SHOC1: variants seen among roughly 807,000 people sequenced by gnomAD.
SHOC1 encodes protein shortage in chiasmata 1 ortholog.
SHOC1 carries 136 observed loss-of-function variants against 179.2 expected under a neutral mutation model. The observed-to-expected ratio is 0.76, with a 90% CI of 0.66 to 0.87. The LOEUF (loss-of-function observed/expected upper bound fraction) is 0.87, where lower values mean the gene tolerates loss of function less well. Ranked by LOEUF, SHOC1 falls within the 40% of genes least tolerant of loss-of-function variation. The pLI is 0.00. For synonymous variants in SHOC1, 489 were observed against 586.6 expected, an observed-to-expected ratio of 0.83 and a Z score of 2.41; for missense variants, 1,538 against 1,700.8, an observed-to-expected ratio of 0.90 and a Z score of 1.68.
At chr9:111,725,462 C>G (rs996190075) in intron 13 of SHOC1, among the ~76,000 whole-genome samples, 7 of 152,130 alleles carry the variant, frequency 4.6e-5, no homozygotes, top group African/African-American at 1.7e-4. Flanking sequence ...GTTACCCACC[C>G]AGTCCTAGGG....
chr9:111,739,118 G>A (rs1213666630), intron 11 of SHOC1, among the ~76,000 whole-genome samples: 1 of 151,852 alleles, frequency 6.6e-6, no homozygotes, highest in Admixed American at 6.6e-5. Flanking sequence ...TTTTGGAATG[G>A]TGCTTTTATA....
At chr9:111,708,677 G>A (rs565905164) in intron 18 of SHOC1, among the ~76,000 whole-genome samples, 1 of 152,230 alleles carries the variant, frequency 6.6e-6, no homozygotes, top group Admixed American at 6.5e-5. Flanking sequence ...TCTTTCTACT[G>A]AGTATTTAGA....
intron 10 of SHOC1, among the ~76,000 whole-genome samples, chr9:111,743,712 A>G (rs1834141267): frequency 6.6e-6 from 1 of 152,204 alleles, no homozygotes; most frequent in Non-Finnish European, 1.5e-5. Flanking sequence ...ATTAAACTTT[A>G]TCATAGGTAT....
intron 2 of SHOC1, 64 bp downstream of exon 2, chr9:111,791,310 A>G: frequency 5.8e-6 from 5 of 867,160 alleles, no homozygotes; most frequent in Non-Finnish European, 8.3e-6. Context: ...CCTATATTGA[A>G]TGTAGTTAAC....
At chr9:111,699,900 T>G in intron 24 of SHOC1, 54 bp downstream of exon 24, 1 of 1,107,882 alleles carries the variant, frequency 9.0e-7, no homozygotes, top group Non-Finnish European at 1.3e-6. Context: ...TAAGTTTGAG[T>G]ATAATTTTGG....
chr9:111,781,711 A>C (rs1836054327), intron 3 of SHOC1, among the ~76,000 whole-genome samples: 1 of 145,170 alleles, frequency 6.9e-6, no homozygotes, highest in African/African-American at 2.7e-5. Context: ...CACCTGGGTG[A>C]GAGTGAGACT....
At chr9:111,767,732 T>C (rs1835410239) in intron 5 of SHOC1, among the ~76,000 whole-genome samples, 1 of 152,242 alleles carries the variant, frequency 6.6e-6, no homozygotes, top group Non-Finnish European at 1.5e-5. Context: ...AGAATATCAT[T>C]GGTATTTTGA....
intron 18 of SHOC1, among the ~76,000 whole-genome samples, chr9:111,709,354 CAAAA>C (rs1392589560): frequency 6.6e-6 from 1 of 151,982 alleles, no homozygotes; most frequent in Non-Finnish European, 1.5e-5. Flanking sequence ...CAAAACAAAA[CAAAA>C]AACAAACAAA....
intron 19 of SHOC1, among the ~76,000 whole-genome samples, chr9:111,707,111 T>G (rs1589387476): frequency 1.3e-5 from 2 of 152,050 alleles, no homozygotes; most frequent in Admixed American, 6.6e-5. Flanking sequence ...CATAATAGGA[T>G]ATTATCTGGC....
chr9:111,719,838 T>C (rs1003606441), intron 15 of SHOC1, among the ~76,000 whole-genome samples: 1 of 152,176 alleles, frequency 6.6e-6, no homozygotes, highest in African/African-American at 2.4e-5. Flanking sequence ...GAAGATGAGA[T>C]TCAACTTGTT....
chr9:111,708,910 C>T (rs1056590873), intron 18 of SHOC1, among the ~76,000 whole-genome samples: 3 of 151,998 alleles, frequency 2.0e-5, no homozygotes, highest in Admixed American at 6.6e-5. Flanking sequence ...ATAAAGTTGA[C>T]GAAGGTGTGA....
At chr9:111,712,857 C>G (rs1478579546) in intron 18 of SHOC1, among the ~76,000 whole-genome samples, 1 of 152,062 alleles carries the variant, frequency 6.6e-6, no homozygotes, top group East Asian at 1.9e-4. Context: ...AGTAGGCAAT[C>G]AATAAAAGTG....
intron 12 of SHOC1, among the ~76,000 whole-genome samples, chr9:111,733,642 C>A (rs111516568): frequency 0.019 from 2,943 of 152,202 alleles, 86 homozygotes; most frequent in African/African-American, 0.067. Flanking sequence ...CCAAGGCGGG[C>A]GGATCACCTG....
At chr9:111,702,802 T>C (rs535095266) in intron 22 of SHOC1, among the ~76,000 whole-genome samples, 5 of 152,316 alleles carry the variant, frequency 3.3e-5, no homozygotes, top group Non-Finnish European at 5.9e-5. Context: ...CAATAAGTTA[T>C]ATAATTGGAT....
intron 15 of SHOC1, among the ~76,000 whole-genome samples, chr9:111,721,287 T>A (rs1250724653): frequency 6.6e-6 from 1 of 152,178 alleles, no homozygotes; most frequent in Admixed American, 6.5e-5. Context: ...TCCTTTCAGA[T>A]GGTTTGTTTC....
At chr9:111,748,480 G>A (rs1277956002) in intron 8 of SHOC1, among the ~76,000 whole-genome samples, 2 of 152,176 alleles carry the variant, frequency 1.3e-5, no homozygotes, top group African/African-American at 4.8e-5. Flanking sequence ...AGGTAAGATA[G>A]GGTGGGCAAT....
chr9:111,778,020 T>C (rs961625231), intron 4 of SHOC1, among the ~76,000 whole-genome samples: 5 of 152,226 alleles, frequency 3.3e-5, no homozygotes, highest in Non-Finnish European at 7.3e-5. Flanking sequence ...CTTTTTAAAA[T>C]AAATGTTGCT....
At chr9:111,707,982 T>G (rs1832357646) in intron 18 of SHOC1, 58 bp from the exon 19 acceptor site, 2 of 970,172 alleles carry the variant, frequency 2.1e-6, no homozygotes, top group Admixed American at 2.8e-5. Flanking sequence ...ATTTTTGGTA[T>G]GTCATATATT....
chr9:111,794,642 T>C (rs986066258), intron 1 of SHOC1, among the ~76,000 whole-genome samples: 1 of 152,116 alleles, frequency 6.6e-6, no homozygotes, highest in African/African-American at 2.4e-5. Context: ...TTTTCCCTTA[T>C]TGTTTAGCCC....
Sources: allele counts gnomAD v4.1 joint callset (sites outside exome capture counted in the v4.1 genomes callset), GRCh38; gene constraint gnomAD v4.1.1; transcripts MANE v1.5; gene names NCBI Gene and HGNC (gene_info 2026-07-23, HGNC 2026-07-21).